The following TRIM48 variants were observed in gnomAD, a reference collection of about 807,000 sequenced individuals.
TRIM48 encodes E3 ubiquitin-protein ligase TRIM48.
Under a neutral mutation model 29.5 loss-of-function variants are expected in TRIM48, and 31 were observed. The observed-to-expected ratio is 1.05, with a 90% CI of 0.79 to 1.42. The LOEUF (loss-of-function observed/expected upper bound fraction) is 1.42. Ranked by LOEUF, TRIM48 falls within the 40% of genes most tolerant of loss-of-function variation. The pLI, the probability that TRIM48 is intolerant of heterozygous loss-of-function variation, is 0.00. For synonymous variants in TRIM48, 128 were observed against 90.6 expected (o/e 1.41, Z -2.34); for missense variants, 344 against 265.0 (o/e 1.30, Z -2.07).
At chr11:55,270,407 T>A (rs1021314586) in intron 5 of TRIM48, 30 bp from the exon 6 acceptor site, 2 of 1,413,110 alleles carry the variant, frequency 1.4e-6, no homozygotes, top group East Asian at 5.4e-5. Context: ...TCTTTCTTTC[T>A]TTCTATTTAT....
At chr11:55,267,623 T>C (rs1857413543) in intron 3 of TRIM48, 1 of 1,562,382 alleles carries the variant, frequency 6.4e-7, no homozygotes, top group South Asian at 1.2e-5. Flanking sequence ...ATAAACCACA[T>C]GTGGAGCTAC....
Position 55,270,792 on chromosome 11 carries a change from T to G in TRIM48, c.*357T>G, listed in dbSNP as rs1175199991. 6.3e-7 allele frequency: 1 copy of G among 1,575,532 alleles called. No individual in the cohort carries two copies. Among genetic ancestry groups the G allele is most frequent in the Non-Finnish European group, 8.6e-7 (1 of 1,158,692 alleles). On this transcript the variant is annotated 3_prime_UTR_variant, in exon 6 of 6. Coordinates refer to ENST00000417545, the MANE Select transcript of TRIM48 (RefSeq NM_024114.5). Reference sequence around the variant, plus strand: ...TTACACTGCAGTATGTCCCAAGACCTACCAACCATGTAGAATTATTCCTGG... The same window carrying G: ...TTACACTGCAGTATGTCCCAAGACCGACCAACCATGTAGAATTATTCCTGG...
In TRIM48 at chr11:55,269,749, T is replaced by C. The variant is rs187625409; in HGVS notation, c.*1+410T>C. The stretch of plus-strand genomic sequence containing the variant: ...AGTTCGCTGGAGATTCTTGGGGTTT[T>C]TTAATTTTTTAAATGGATATATATT... On this transcript the variant is annotated intron_variant, in intron 5 of 5. Coordinates refer to ENST00000417545, the MANE Select transcript of TRIM48 (RefSeq NM_024114.5). Among the ~76,000 whole-genome samples, 974 of 148,004 alleles carry C rather than the reference T, an allele frequency of 6.6e-3. 117 individuals carry two copies. Among genetic ancestry groups the C allele is most frequent in the Admixed American group, 0.061 (889 of 14,586 alleles).
At chr11:55,267,754 T>A (rs1857415312) in intron 3 of TRIM48, 4 of 1,444,666 alleles carry the variant, frequency 2.8e-6, no homozygotes, top group Non-Finnish European at 3.7e-6. Context: ...CAAAAACACA[T>A]TCGCATAACT....
At chr11:55,267,573 T>G in intron 3 of TRIM48, 1 of 1,390,648 alleles carries the variant, frequency 7.2e-7, no homozygotes, top group Non-Finnish European at 9.9e-7. Context: ...AGGAGGGAGA[T>G]TTTTAAGAGG....
chr11:55,268,397 A>G (rs369056604), intron 4 of TRIM48, 25 bp downstream of exon 4: 3 of 1,538,254 alleles, frequency 2.0e-6, no homozygotes, highest in Non-Finnish European at 2.7e-6. Context: ...GGATTTTAGC[A>G]TATGTTCTTT....
chr11:55,268,502 C>T (rs1270278714), intron 4 of TRIM48, 130 bp downstream of exon 4: 5 of 910,000 alleles, frequency 5.5e-6, no homozygotes, highest in Non-Finnish European at 8.3e-6. Flanking sequence ...CTTTCATTCC[C>T]ACACCAGAAA....
In TRIM48 at chr11:55,270,798, C is replaced by T. The variant is rs377535333; in HGVS notation, c.*363C>T. 58 of 1,575,330 alleles carry T rather than the reference C, an allele frequency of 3.7e-5. 6 individuals carry two copies. Among genetic ancestry groups the T allele is most frequent in the Non-Finnish European group, 4.8e-5 (56 of 1,158,628 alleles). Reference sequence around the variant, plus strand: ...TGCAGTATGTCCCAAGACCTACCAACCATGTAGAATTATTCCTGGATTGTG... The same window carrying T: ...TGCAGTATGTCCCAAGACCTACCAATCATGTAGAATTATTCCTGGATTGTG... On this transcript the variant is annotated 3_prime_UTR_variant, in exon 6 of 6. Transcript: ENST00000417545.
At chr11:55,265,752 T>C (rs1857383012) in intron 3 of TRIM48, 57 bp downstream of exon 3, 2 of 1,496,260 alleles carry the variant, frequency 1.3e-6, no homozygotes, top group Non-Finnish European at 1.8e-6. Flanking sequence ...AATGGGTGAC[T>C]CTTAAAATAG....
At position 55,266,964 on chromosome 11, in the gene TRIM48, G is replaced by T. The variant is rs1364951373; in HGVS notation, c.555+1269G>T. ...ATGCAGCTTTATTAGGATAGGTTTT[G>T]CTGGGCGAAATGCATTTAGCTGGAC... On this transcript the variant is annotated intron_variant, in intron 3 of 5. Transcript: ENST00000417545. Among the ~76,000 whole-genome samples the T allele has an allele frequency of 2.0e-5, 3 of 147,696 alleles. 1 individual carries two copies. Among genetic ancestry groups the T allele is most frequent in the African/African-American group, 7.4e-5 (3 of 40,416 alleles).
rs1431125274 is a variant in TRIM48 at position 55,267,498 on chromosome 11, T to G, written c.556-852T>G. ...GAAGAAGAAAAACATAATTTGGAGA[T>G]GCTGAAAAAGAAGGGAAAAGATATT... On this transcript the variant is annotated intron_variant, in intron 3 of 5. Coordinates refer to ENST00000417545, the MANE Select transcript of TRIM48 (RefSeq NM_024114.5). 92 of 1,579,730 alleles carry G rather than the reference T, an allele frequency of 5.8e-5. 8 individuals carry two copies. Among genetic ancestry groups the G allele is most frequent in the Non-Finnish European group, 7.5e-5 (87 of 1,163,884 alleles).
chr11:55,269,751 T>C (rs1322046556), intron 5 of TRIM48, among the ~76,000 whole-genome samples: 1 of 147,992 alleles, frequency 6.8e-6, no homozygotes, highest in Non-Finnish European at 1.5e-5. Context: ...TGGGGTTTTT[T>C]AATTTTTTAA....
At chr11:55,262,499 A>C (rs975914592) in intron 1 of TRIM48, among the ~76,000 whole-genome samples, 188 bp downstream of exon 1, 3 of 152,148 alleles carry the variant, frequency 2.0e-5, no homozygotes, top group African/African-American at 7.2e-5. Flanking sequence ...ATCATTCTTC[A>C]ATATAGTTTT....
rs1477697157 is a variant in TRIM48, at chr11:55,270,847, G to A, written c.*412G>A. On this transcript the variant is annotated 3_prime_UTR_variant, in exon 6 of 6. Transcript: ENST00000417545. ...TGAAGCTAGAACTGTGAGCTTCGTTGATGTTAGTCAAAGCTCCCCTATATA... is the reference window on the plus strand; with the variant it reads ...TGAAGCTAGAACTGTGAGCTTCGTTAATGTTAGTCAAAGCTCCCCTATATA... The A allele has an allele frequency of 2.7e-5, 43 of 1,570,620 alleles. 3 individuals are homozygous for A. Among genetic ancestry groups the A allele is most frequent in the Admixed American group, 2.1e-4 (12 of 58,156 alleles).
At chr11:55,266,454 A>G (rs1324020460) in intron 3 of TRIM48, among the ~76,000 whole-genome samples, 3 of 147,816 alleles carry the variant, frequency 2.0e-5, no homozygotes, top group African/African-American at 4.9e-5. Flanking sequence ...TTGCCAGTAT[A>G]GAAGAAAGAA....
Position 55,265,248 on chromosome 11 carries a change from C to T in TRIM48, c.393C>T (p.Cys131=), listed in dbSNP as rs938166367. The T allele has an allele frequency of 2.5e-6, 4 of 1,582,488 alleles. No homozygotes were observed. In the Admixed American group the frequency reaches 6.8e-5, roughly 27 times the overall value. The part of the protein sequence containing the change: ...EVDRSLLCLL[C]SSSQEHRYHR... ...ACAGGAGCCTGCTCTGTTTGCTGTG[C>T]TCCAGCTCTCAGGAGCACCGGTATC... The change falls in exon 2 of 6, where the codon TGC becomes TGT. Residue 131 remains cysteine, a synonymous_variant. Coordinates refer to ENST00000417545, the MANE Select transcript of TRIM48 (RefSeq NM_024114.5).
At position 55,264,976 on chromosome 11, in the gene TRIM48, C is replaced by A; in HGVS notation, c.121C>A (p.Pro41Thr). 1 of 1,584,466 alleles carries A rather than the reference C, an allele frequency of 6.3e-7. No individual in the cohort carries two copies. The highest frequency in any genetic ancestry group is 8.6e-7 in the Non-Finnish European group (1 of 1,166,330). ...CATCTGCATGAACTACTTCATAGACCCGGTCACCATAGACTGTGGGCACAG... is the reference window on the plus strand; with the variant it reads ...CATCTGCATGAACTACTTCATAGACACGGTCACCATAGACTGTGGGCACAG... ...CPICMNYFID[P>T]VTIDCGHSFC... The change falls in exon 2 of 6, where the codon CCG becomes ACG. Residue 41 changes from proline (P) to threonine (T), a missense_variant. By Grantham distance (38) the Pro-to-Thr change is conservative. Transcript: ENST00000417545.
intron 3 of TRIM48, among the ~76,000 whole-genome samples, chr11:55,266,571 T>C (rs1857396209): frequency 6.8e-6 from 1 of 147,458 alleles, no homozygotes; most frequent in African/African-American, 2.5e-5. Context: ...AAGTTCTTTG[T>C]TGGAGAATAA....
chr11:55,262,546 T>C lies in TRIM48; in HGVS notation c.44+235T>C, dbSNP rs1411348504. On this transcript the variant is annotated intron_variant, in intron 1 of 5. Coordinates refer to ENST00000417545, the MANE Select transcript of TRIM48 (RefSeq NM_024114.5). ...AATATCTAGTGTTTGCTGCAACAGA[T>C]ATGTATGCATAATGAATATATGGAG... Among the ~76,000 whole-genome samples the C allele has an allele frequency of 2.0e-5, 3 of 152,180 alleles. No individual in the cohort carries two copies. The East Asian group carries it at 5.8e-4, about 29-fold the overall frequency.
Sources: allele counts gnomAD v4.1 joint callset (sites outside exome capture counted in the v4.1 genomes callset), GRCh38; gene constraint gnomAD v4.1.1; transcripts MANE v1.5; gene names NCBI Gene and HGNC (gene_info 2026-07-23, HGNC 2026-07-21).